Variants in CPHXL observed in about 807,000 individuals in gnomAD.
The protein encoded by CPHXL is cytoplasmic polyadenylated homeobox like.
chr16:75,724,646 G>C (rs1381588373), intron 1 of CPHXL, among the ~76,000 whole-genome samples: 1 of 152,214 alleles, frequency 6.6e-6, no homozygotes, highest in East Asian at 1.9e-4. Flanking sequence ...AGAGGATGTG[G>C]AGAAATAGGA....
intron 1 of CPHXL, among the ~76,000 whole-genome samples, chr16:75,719,498 G>A (rs562438950): frequency 4.5e-4 from 69 of 152,236 alleles, no homozygotes; most frequent in South Asian, 8.3e-4. Context: ...ATGGAGCCTC[G>A]CTCACTGCTA....
At chr16:75,725,318 T>G (rs1452214338) in intron 1 of CPHXL, among the ~76,000 whole-genome samples, 1 of 152,140 alleles carries the variant, frequency 6.6e-6, no homozygotes, top group South Asian at 2.1e-4. Flanking sequence ...TGAGACAGTC[T>G]CCCTCTGTCG....
chr16:75,722,982 A>G (rs537824898), intron 1 of CPHXL, among the ~76,000 whole-genome samples: 3 of 152,354 alleles, frequency 2.0e-5, no homozygotes. Context: ...GCATATAAAC[A>G]GAACCAATGA....
In CPHXL at chr16:75,726,426, G is replaced by A; in HGVS notation, c.17C>T (p.Thr6Ile). MNLDGTSGGFPAEEDH... is the reference protein window; with the variant it reads MNLDGISGGFPAEEDH... ...AGCTGATGGGAACTTACCACCTGAA[G>A]TGCCGTCCAAATTCATCTTGGGGTA... The change falls in exon 1 of 3, where the codon ACT becomes ATT. Residue 6 changes from threonine to isoleucine, a missense_variant. Transcript: ENST00000640559. 5.0e-6 allele frequency: 2 copies of A among 398,620 alleles called. No homozygotes were observed. The highest frequency in any genetic ancestry group is 8.8e-6 in the Non-Finnish European group (2 of 226,076). 24.7% of individuals were successfully genotyped at this position (398,620 alleles called of 1,614,324 possible).
At chr16:75,721,558 C>T (rs1047041159) in intron 1 of CPHXL, among the ~76,000 whole-genome samples, 35 of 152,262 alleles carry the variant, frequency 2.3e-4, no homozygotes, top group South Asian at 8.3e-4. Flanking sequence ...GCTAACTATC[C>T]TAAATATATA....
At chr16:75,723,801 C>G (rs1194352957) in intron 1 of CPHXL, among the ~76,000 whole-genome samples, 1 of 152,088 alleles carries the variant, frequency 6.6e-6, no homozygotes, top group Non-Finnish European at 1.5e-5. Flanking sequence ...CAAGTCAATC[C>G]TAAGCCAAAA....
chr16:75,724,401 C>T (rs962190851), intron 1 of CPHXL, among the ~76,000 whole-genome samples: 1 of 152,168 alleles, frequency 6.6e-6, no homozygotes, highest in Non-Finnish European at 1.5e-5. Flanking sequence ...TATCCAGAAT[C>T]TACAATGAAC....
intron 1 of CPHXL, among the ~76,000 whole-genome samples, chr16:75,719,753 T>G (rs1959448174): frequency 6.6e-6 from 1 of 151,660 alleles, no homozygotes; most frequent in African/African-American, 2.4e-5. Context: ...TTGAAGAGAG[T>G]AGCGGTTCTC....
intron 1 of CPHXL, among the ~76,000 whole-genome samples, chr16:75,722,105 G>C (rs1315569949): frequency 7.2e-5 from 11 of 152,206 alleles, no homozygotes; most frequent in African/African-American, 2.4e-4. Flanking sequence ...ATTCAAAGCA[G>C]TGTGTAGAGG....
At chr16:75,719,619 G>T (rs755725929) in intron 1 of CPHXL, among the ~76,000 whole-genome samples, 15 of 152,162 alleles carry the variant, frequency 9.9e-5, no homozygotes, top group Non-Finnish European at 2.1e-4. Context: ...CTCAAACTGG[G>T]TGGAGCCCAC....
chr16:75,722,384 G>A (rs1190844847), intron 1 of CPHXL, among the ~76,000 whole-genome samples: 2 of 151,778 alleles, frequency 1.3e-5, no homozygotes, highest in Non-Finnish European at 2.9e-5. Context: ...AGAAAAGAGA[G>A]AAGAATCAAA....
rs35659823 is a variant in CPHXL at position 75,725,753 on chromosome 16, C to CTTTTTTTTTTTTT, written c.25+652_25+664dup. 6.6e-3 allele frequency among the ~76,000 whole-genome samples: 284 copies of CTTTTTTTTTTTTT among 43,306 alleles called. 47 individuals carry two copies. In the East Asian group the frequency reaches 0.15, roughly 22 times the overall value. 28.4% of individuals were successfully genotyped at this position (43,306 alleles called of 152,430 possible). On this transcript the variant is annotated intron_variant, in intron 1 of 2. Coordinates refer to ENST00000640559, the MANE Select transcript of CPHXL (RefSeq NM_001355613.1). Reference sequence around the variant, plus strand: ...AGGAGTGAGCCACCGTGCCCGGCGTCTTTTTTTTTTTTTTTTTTTTTTTTT... The same window carrying CTTTTTTTTTTTTT: ...AGGAGTGAGCCACCGTGCCCGGCGTCTTTTTTTTTTTTTTTTTTTTTTTTTTTTTTTTTTTTTT...
chr16:75,725,063 G>A (rs1017191397), intron 1 of CPHXL, among the ~76,000 whole-genome samples: 1 of 150,604 alleles, frequency 6.6e-6, no homozygotes, highest in Non-Finnish European at 1.5e-5. Context: ...CTCATAGGTG[G>A]AAATTGAACA....
intron 2 of CPHXL, among the ~76,000 whole-genome samples, chr16:75,716,181 G>C: frequency 6.6e-6 from 1 of 152,148 alleles, no homozygotes; most frequent in South Asian, 2.1e-4. Flanking sequence ...AGGCTTGTGT[G>C]AGCAAATGTG....
At chr16:75,725,491 C>T (rs1230164243) in intron 1 of CPHXL, among the ~76,000 whole-genome samples, 7 of 148,870 alleles carry the variant, frequency 4.7e-5, no homozygotes, top group Admixed American at 2.0e-4. Flanking sequence ...CTCGCTCTGT[C>T]GCCCAGGCTG....
At chr16:75,719,861 G>T (rs943034174) in intron 1 of CPHXL, among the ~76,000 whole-genome samples, 4 of 152,102 alleles carry the variant, frequency 2.6e-5, no homozygotes, top group Non-Finnish European at 5.9e-5. Flanking sequence ...CCCAGTAGGG[G>T]CAGACTGACA....
chr16:75,720,746 C>T (rs1471295812), intron 1 of CPHXL, among the ~76,000 whole-genome samples: 1 of 151,284 alleles, frequency 6.6e-6, no homozygotes, highest in Admixed American at 6.6e-5. Context: ...TCAGGAAATA[C>T]AGAGAACACC....
chr16:75,718,050 C>G (rs1051198222), intron 2 of CPHXL, among the ~76,000 whole-genome samples: 1 of 114,050 alleles, frequency 8.8e-6, no homozygotes, highest in African/African-American at 4.2e-5. Flanking sequence ...TGGTGAGACC[C>G]CATTTTTTAC....
rs1190827571 is a variant in CPHXL at position 75,723,723 on chromosome 16, A to C, written c.25+2695T>G. ...TGCCATCCCCATCAAGCTACCAATG[A>C]CTTTCTTCACAGAATTGGAAAAAAC... On this transcript the variant is annotated intron_variant, in intron 1 of 2. Coordinates refer to ENST00000640559, the MANE Select transcript of CPHXL (RefSeq NM_001355613.1). Among the ~76,000 whole-genome samples the C allele has an allele frequency of 2.0e-4, 30 of 152,302 alleles. 1 individual carries two copies. Among genetic ancestry groups the C allele is most frequent in the East Asian group, 9.6e-4 (5 of 5,186 alleles).
Sources: gnomAD v4.1 joint callset for allele counts (sites outside exome capture counted in the v4.1 genomes callset) on GRCh38, gnomAD v4.1.1 for gene constraint, MANE v1.5 for transcripts, NCBI Gene and HGNC (gene_info 2026-07-23, HGNC 2026-07-21) for gene names.